Variants in TEKT5 observed in about 807,000 individuals in gnomAD.
TEKT5 encodes tektin-5.
In TEKT5, 52 loss-of-function variants were observed where a neutral mutation model predicts 48.7. That is an observed-to-expected ratio of 1.07 (90% CI 0.86 to 1.35). The LOEUF is 1.35. Ranked by LOEUF, TEKT5 falls within the 40% of genes most tolerant of loss-of-function variation. TEKT5 has a pLI of 0.00. For synonymous variants in TEKT5, 318 were observed against 267.6 expected, an observed-to-expected ratio of 1.19 and a Z score of -1.84; for missense variants, 831 against 641.6, an observed-to-expected ratio of 1.30 and a Z score of -3.19.
At chr16:10,636,141 G>A (rs911536155) in intron 5 of TEKT5, among the ~76,000 whole-genome samples, 2 of 152,168 alleles carry the variant, frequency 1.3e-5, no homozygotes, top group Non-Finnish European at 2.9e-5. Flanking sequence ...TTGGGAGGCC[G>A]AGATGGGTGG....
At chr16:10,689,156 C>G (rs894364712) in intron 3 of TEKT5, 97 bp downstream of exon 3, 4 of 927,448 alleles carry the variant, frequency 4.3e-6, no homozygotes, top group East Asian at 2.6e-5. Flanking sequence ...AAGAACCACC[C>G]AGAGACAAGT....
intron 5 of TEKT5, among the ~76,000 whole-genome samples, chr16:10,658,805 C>A (rs140788604): frequency 2.5e-3 from 377 of 152,098 alleles, no homozygotes; most frequent in South Asian, 6.0e-3. Flanking sequence ...GCAACCTCTG[C>A]CTCCTGGGTT....
At chr16:10,655,008 T>C (rs1055857151) in intron 5 of TEKT5, among the ~76,000 whole-genome samples, 1 of 146,446 alleles carries the variant, frequency 6.8e-6, no homozygotes, top group African/African-American at 2.5e-5. Flanking sequence ...TGTTTTTTAA[T>C]GTAAGACAAT....
chr16:10,665,497 A>G (rs1406214032), intron 5 of TEKT5, among the ~76,000 whole-genome samples: 2 of 152,048 alleles, frequency 1.3e-5, no homozygotes, highest in Non-Finnish European at 2.9e-5. Context: ...CGTTCTCTCC[A>G]TCTCCTGCAT....
intron 5 of TEKT5, among the ~76,000 whole-genome samples, chr16:10,636,811 C>CATT (rs143109867): frequency 1.6e-4 from 23 of 147,174 alleles, no homozygotes; most frequent in South Asian, 1.1e-3. Flanking sequence ...ATGTATTTTC[C>CATT]ATTATTATTA....
intron 1 of TEKT5, chr16:10,692,503 A>G (rs1898997403): frequency 6.6e-6 from 1 of 152,252 alleles, no homozygotes; most frequent in African/African-American, 2.4e-5. Flanking sequence ...CTGTGGCCAA[A>G]GTCAGTTCCC....
rs751194884 is a variant in TEKT5 at position 10,681,976 on chromosome 16, G to C, written c.863+17C>G. 6.2e-7 allele frequency: 1 copy of C among 1,612,584 alleles called. No homozygotes were observed. Among genetic ancestry groups the C allele is most frequent in the Non-Finnish European group, 8.5e-7 (1 of 1,178,972 alleles). Reference sequence around the variant, plus strand: ...GTTGGACACGCCAGGGATGGGGAGGGGGAGTCTGATACTTACGTGCCGTCA... The same window carrying C: ...GTTGGACACGCCAGGGATGGGGAGGCGGAGTCTGATACTTACGTGCCGTCA... On this transcript the variant is annotated intron_variant, in intron 4 of 6. Coordinates refer to ENST00000283025, the MANE Select transcript of TEKT5 (RefSeq NM_144674.2).
At chr16:10,662,511 G>A (rs1898391051) in intron 5 of TEKT5, among the ~76,000 whole-genome samples, 1 of 152,180 alleles carries the variant, frequency 6.6e-6, no homozygotes, top group African/African-American at 2.4e-5. Context: ...CAAATACTTT[G>A]TTCTGCACGT....
chr16:10,647,696 T>C (rs1355962627), intron 5 of TEKT5, among the ~76,000 whole-genome samples: 1 of 152,198 alleles, frequency 6.6e-6, no homozygotes, highest in Non-Finnish European at 1.5e-5. Context: ...CAGCCTGTGA[T>C]GGGGACCTGA....
chr16:10,693,447 T>G (rs1166699520), intron 1 of TEKT5, among the ~76,000 whole-genome samples: 1 of 152,264 alleles, frequency 6.6e-6, no homozygotes, highest in African/African-American at 2.4e-5. Flanking sequence ...ATGCCTACTC[T>G]GTGCTTCGCC....
At chr16:10,690,742 G>C in intron 1 of TEKT5, 3 of 985,396 alleles carry the variant, frequency 3.0e-6, no homozygotes, top group Non-Finnish European at 3.6e-6. Context: ...GACAGGACAA[G>C]GGGCTTTTCA....
intron 3 of TEKT5, among the ~76,000 whole-genome samples, chr16:10,682,558 G>T (rs1340462043): frequency 2.0e-5 from 3 of 152,130 alleles, no homozygotes; most frequent in Non-Finnish European, 4.4e-5. Flanking sequence ...GAACTCCTAG[G>T]CTCAAGTGAT....
rs114643421 is a variant in TEKT5 at position 10,672,024 on chromosome 16, G to A, written c.1086+3935C>T. On this transcript the variant is annotated intron_variant, in intron 5 of 6. Coordinates refer to ENST00000283025, the MANE Select transcript of TEKT5 (RefSeq NM_144674.2). ...TATGGGGGGAGATGGAAAAGGGGAG[G>A]GAGTGTTTAATGGGTGCAGAGTTTC... Among the ~76,000 whole-genome samples, 1,019 of 152,216 alleles carry A rather than the reference G, an allele frequency of 6.7e-3. 13 individuals carry two copies. Among genetic ancestry groups the A allele is most frequent in the African/African-American group, 0.023 (969 of 41,522 alleles).
chr16:10,677,308 G>A (rs1171548539), intron 4 of TEKT5, among the ~76,000 whole-genome samples: 1 of 117,046 alleles, frequency 8.5e-6, no homozygotes, highest in Non-Finnish European at 1.6e-5. Context: ...AGATCGTCTG[G>A]GATTAGAAAA....
chr16:10,650,769 C>T (rs956260154), intron 5 of TEKT5, among the ~76,000 whole-genome samples: 3 of 151,878 alleles, frequency 2.0e-5, no homozygotes, highest in Non-Finnish European at 4.4e-5. Context: ...CCTGTAATCC[C>T]AGCTACTCAG....
rs1350604178 is a variant in TEKT5, at chr16:10,643,967, G to A, written c.1087-8049C>T. ...TGAGGCAGGAGAATTGCTTGAACCC[G>A]GGAGGAGGAGGTTGCAGTGAACCGA... On this transcript the variant is annotated intron_variant, in intron 5 of 6. Coordinates refer to ENST00000283025, the MANE Select transcript of TEKT5 (RefSeq NM_144674.2). Among the ~76,000 whole-genome samples the A allele has an allele frequency of 5.3e-5, 8 of 152,232 alleles. 1 individual carries two copies. Among genetic ancestry groups the A allele is most frequent in the South Asian group, 4.1e-4 (2 of 4,828 alleles).
At chr16:10,632,713 G>A (rs1897855615) in intron 6 of TEKT5, among the ~76,000 whole-genome samples, 1 of 152,056 alleles carries the variant, frequency 6.6e-6, no homozygotes, top group Admixed American at 6.6e-5. Context: ...GAAAAAGATG[G>A]CCCAAAGGCA....
intron 5 of TEKT5, among the ~76,000 whole-genome samples, chr16:10,636,584 A>G (rs1897916392): frequency 6.6e-6 from 1 of 151,850 alleles, no homozygotes; most frequent in Admixed American, 6.6e-5. Flanking sequence ...GGGAAGGAGG[A>G]AGGCAGGCCT....
chr16:10,632,463 T>C (rs550738611), intron 6 of TEKT5, among the ~76,000 whole-genome samples: 4 of 152,168 alleles, frequency 2.6e-5, no homozygotes, highest in Admixed American at 1.3e-4. Flanking sequence ...GCCTGGCTAA[T>C]TTTTGTATTT....
Sources: allele counts gnomAD v4.1 joint callset (sites outside exome capture counted in the v4.1 genomes callset), GRCh38; gene constraint gnomAD v4.1.1; transcripts MANE v1.5; gene names NCBI Gene and HGNC (gene_info 2026-07-23, HGNC 2026-07-21).